The following BCAS4 variants were observed in gnomAD, a reference collection of about 807,000 sequenced individuals.
The protein encoded by BCAS4 is breast carcinoma-amplified sequence 4.
A neutral mutation model predicts 15.7 loss-of-function variants in BCAS4; 9 were observed. That is an observed-to-expected ratio of 0.57 (90% CI 0.34 to 1.00). The LOEUF (loss-of-function observed/expected upper bound fraction) is 1.00. BCAS4 is among the 50% of genes least tolerant of loss of function. The pLI is 0.02. For missense variants in BCAS4, 225 were observed against 239.1 expected (o/e 0.94, Z 0.39); for synonymous variants, 101 against 99.5 (o/e 1.02, Z -0.09).
chr20:50,812,102 A>G (rs138147979), intron 1 of BCAS4, among the ~76,000 whole-genome samples: 1,794 of 151,764 alleles, frequency 0.012, 37 homozygotes, highest in African/African-American at 0.042. Context: ...TTCATTCATC[A>G]CTTAATGGAT....
chr20:50,881,241 TAAAAC>T (rs1355064619), downstream of BCAS4: 3 of 151,832 alleles, frequency 2.0e-5, no homozygotes, highest in Non-Finnish European at 4.4e-5. Flanking sequence ...GAAAGTAAAA[TAAAAC>T]GAATCTATTG....
At chr20:50,860,474 G>T (rs1486842590) in intron 4 of BCAS4, among the ~76,000 whole-genome samples, 7 of 152,114 alleles carry the variant, frequency 4.6e-5, no homozygotes, top group Non-Finnish European at 8.8e-5. Flanking sequence ...TTAAGATTTT[G>T]CCATTTCAAA....
chr20:50,795,695 A>G (rs764631931), intron 1 of BCAS4, among the ~76,000 whole-genome samples: 2 of 152,244 alleles, frequency 1.3e-5, no homozygotes, highest in Non-Finnish European at 2.9e-5. Context: ...GCTGTTGTGA[A>G]AAAGTTATTT....
At chr20:50,834,333 T>C (rs776491634) in intron 3 of BCAS4, among the ~76,000 whole-genome samples, 70 of 146,890 alleles carry the variant, frequency 4.8e-4, no homozygotes, top group Non-Finnish European at 9.3e-4. Flanking sequence ...TCTCACTCTG[T>C]TGCCCAGGCT....
intron 1 of BCAS4, among the ~76,000 whole-genome samples, chr20:50,800,559 C>CTTTTT (rs562113048): frequency 2.7e-5 from 3 of 112,630 alleles, no homozygotes; most frequent in African/African-American, 7.4e-5. Flanking sequence ...TTGAACATCC[C>CTTTTT]TTTTTTTTTT....
At chr20:50,842,756 G>A (rs955609630) in intron 4 of BCAS4, among the ~76,000 whole-genome samples, 8 of 152,080 alleles carry the variant, frequency 5.3e-5, no homozygotes, top group Admixed American at 3.9e-4. Context: ...CGGAGGCTCG[G>A]GGAAGGAGAT....
intron 4 of BCAS4, among the ~76,000 whole-genome samples, chr20:50,848,149 G>C (rs567988830): frequency 6.6e-5 from 10 of 152,014 alleles, no homozygotes; most frequent in Non-Finnish European, 1.3e-4. Context: ...CCAGCTACTT[G>C]GGAGGCTGGG....
chr20:50,804,704 T>G (rs1441294189), intron 1 of BCAS4, among the ~76,000 whole-genome samples: 1 of 152,206 alleles, frequency 6.6e-6, no homozygotes. Context: ...TTAACCTTCC[T>G]GGAAGTCAGG....
intron 4 of BCAS4, among the ~76,000 whole-genome samples, chr20:50,842,754 C>T (rs1006847467): frequency 1.3e-5 from 2 of 152,050 alleles, no homozygotes; most frequent in African/African-American, 2.4e-5. Context: ...GACGGAGGCT[C>T]GGGGAAGGAG....
At chr20:50,806,766 G>A (rs973753686) in intron 1 of BCAS4, among the ~76,000 whole-genome samples, 4 of 151,168 alleles carry the variant, frequency 2.6e-5, no homozygotes, top group Non-Finnish European at 5.9e-5. Flanking sequence ...GAGATGTTTT[G>A]ATACAGGCAT....
At chr20:50,807,754 A>ATT (rs1288288949) in intron 1 of BCAS4, among the ~76,000 whole-genome samples, 76 of 152,192 alleles carry the variant, frequency 5.0e-4, no homozygotes, top group Non-Finnish European at 9.6e-4. Flanking sequence ...GAGTGAGAAC[A>ATT]TACGATGTTT....
chr20:50,867,817 G>A (rs887426051), intron 4 of BCAS4, among the ~76,000 whole-genome samples: 2 of 152,328 alleles, frequency 1.3e-5, no homozygotes, highest in Middle Eastern at 3.4e-3. Flanking sequence ...GGGAAACTGA[G>A]GCATGAGAAT....
intron 1 of BCAS4, 112 bp from the exon 2 acceptor site, chr20:50,818,099 A>C: frequency 3.1e-6 from 3 of 954,480 alleles, no homozygotes; most frequent in South Asian, 1.5e-5. Flanking sequence ...TCGAGCAGGA[A>C]CCGGGCACAT....
At chr20:50,864,286 C>T (rs1016596221) in intron 4 of BCAS4, among the ~76,000 whole-genome samples, 12 of 152,124 alleles carry the variant, frequency 7.9e-5, no homozygotes, top group African/African-American at 2.2e-4. Context: ...ACAAGCATCA[C>T]GCCGGGGAGT....
upstream of BCAS4, chr20:50,794,985 CCGCGGGGCA>C (rs2087831744): frequency 7.9e-7 from 1 of 1,273,088 alleles, no homozygotes; most frequent in East Asian, 3.2e-5. Context: ...GCCAGGCGGT[CCGCGGGGCA>C]TGCAGCGGAC....
In BCAS4 at chr20:50,804,062, G is replaced by T. The variant is rs561963270; in HGVS notation, c.90+8889G>T. On this transcript the variant is annotated intron_variant, in intron 1 of 4. Transcript: ENST00000371608. Reference sequence around the variant, plus strand: ...ATCTGGATTTCTTTTTTTTGAGATGGAGTTTCGCTCTTGTTGTCCAGGCTG... The same window carrying T: ...ATCTGGATTTCTTTTTTTTGAGATGTAGTTTCGCTCTTGTTGTCCAGGCTG... Among the ~76,000 whole-genome samples, 9 of 152,208 alleles carry T rather than the reference G, an allele frequency of 5.9e-5. No individual in the cohort carries two copies. In the East Asian group the frequency reaches 1.5e-3, roughly 26 times the overall value.
chr20:50,850,435 T>G lies in BCAS4; in HGVS notation c.399+8535T>G, dbSNP rs1978345529. On this transcript the variant is annotated intron_variant, in intron 4 of 4. Coordinates refer to ENST00000371608, the MANE Select transcript of BCAS4 (RefSeq NM_198799.4). Reference sequence around the variant, plus strand: ...GCTTCCCAAGGGCAGGGACTGAAACTTCAACTGCCAAGGCTGCAAACTCGA... The same window carrying G: ...GCTTCCCAAGGGCAGGGACTGAAACGTCAACTGCCAAGGCTGCAAACTCGA... 2.0e-5 allele frequency among the ~76,000 whole-genome samples: 3 copies of G among 152,222 alleles called. No individual in the cohort carries two copies. The South Asian group carries it at 6.2e-4, about 31-fold the overall frequency.
At chr20:50,817,101 T>C (rs987084607) in intron 1 of BCAS4, among the ~76,000 whole-genome samples, 10 of 150,548 alleles carry the variant, frequency 6.6e-5, no homozygotes, top group African/African-American at 2.5e-4. Flanking sequence ...GCACCTGGGC[T>C]AATTTTTTTT....
intron 4 of BCAS4, among the ~76,000 whole-genome samples, chr20:50,875,183 T>C (rs76668671): frequency 0.027 from 4,100 of 152,244 alleles, 179 homozygotes; most frequent in African/African-American, 0.09. Context: ...GCATCAGTAG[T>C]TCATAAAACT....
Sources: allele counts gnomAD v4.1 joint callset (sites outside exome capture counted in the v4.1 genomes callset), GRCh38; gene constraint gnomAD v4.1.1; transcripts MANE v1.5; gene names NCBI Gene and HGNC (gene_info 2026-07-23, HGNC 2026-07-21).